TENM3: variants seen among roughly 807,000 people sequenced by gnomAD.
TENM3 encodes teneurin transmembrane protein 3.
In TENM3, 63 loss-of-function variants were observed where a neutral mutation model predicts 255.1. That is an observed-to-expected ratio of 0.25 (90% CI 0.20 to 0.30). The LOEUF (loss-of-function observed/expected upper bound fraction) is 0.30, where lower values mean the gene tolerates loss of function less well. TENM3 is among the 10% of genes least tolerant of loss of function. The probability of loss-of-function intolerance (pLI) is 1.00; values close to 1 mark genes in which losing one functional copy is unlikely to be tolerated. For missense variants in TENM3, 2,929 were observed against 3,461.1 expected, an observed-to-expected ratio of 0.85 and a Z score of 3.86; for synonymous variants, 1,306 against 1,322.3, an observed-to-expected ratio of 0.99 and a Z score of 0.27.
chr4:181,631,020 T>C, the TENM3 span, among the ~76,000 whole-genome samples: 3 of 152,172 alleles, frequency 2.0e-5, no homozygotes, highest in African/African-American at 7.2e-5. Context: ...GGTTCTCTGA[T>C]TGCGGTATCA....
the TENM3 span, among the ~76,000 whole-genome samples, chr4:181,961,595 G>A: frequency 6.6e-6 from 1 of 151,876 alleles, no homozygotes; most frequent in Non-Finnish European, 1.5e-5. Context: ...AATTTTTTGT[G>A]TTTTTAGTAG....
chr4:181,891,385 A>G, the TENM3 span, among the ~76,000 whole-genome samples: 2 of 152,146 alleles, frequency 1.3e-5, no homozygotes, highest in Non-Finnish European at 1.5e-5. Context: ...CCCTGTATAC[A>G]AATCCAGATG....
At chr4:182,635,358 G>A (rs1167552964) in intron 5 of TENM3, among the ~76,000 whole-genome samples, 1 of 152,102 alleles carries the variant, frequency 6.6e-6, no homozygotes, top group Non-Finnish European at 1.5e-5. Context: ...ACAGAATTTT[G>A]CAGCTACCAT....
the TENM3 span, among the ~76,000 whole-genome samples, chr4:181,767,112 C>G: frequency 2.1e-5 from 3 of 143,004 alleles, no homozygotes; most frequent in Non-Finnish European, 3.0e-5. Flanking sequence ...ATTAGCAGGG[C>G]GTGGTGGCGG....
the TENM3 span, among the ~76,000 whole-genome samples, chr4:181,485,489 T>TTTA: frequency 0.013 from 1,915 of 151,562 alleles, 12 homozygotes; most frequent in African/African-American, 0.019. Flanking sequence ...AGATTTTTTT[T>TTTA]AAAAAAAAGA....
Position 182,739,526 on chromosome 4 carries a change from CTT to C in TENM3, c.3379+983_3379+984del, listed in dbSNP as rs573490819. Among the ~76,000 whole-genome samples, 244 of 152,292 alleles carry C rather than the reference CTT, an allele frequency of 1.6e-3. 2 individuals are homozygous for C. Among genetic ancestry groups the C allele is most frequent in the African/African-American group, 5.4e-3 (223 of 41,550 alleles). On this transcript the variant is annotated intron_variant, in intron 18 of 27. Transcript: ENST00000511685. ...ACAGTCTCAGCAAAATAATCTAACT[CTT>C]GACTTTGCAGAGGTTTTTGGAAGGT...
intron 1 of TENM3, among the ~76,000 whole-genome samples, chr4:182,225,159 A>G (rs1756073434): frequency 6.6e-6 from 1 of 152,124 alleles, no homozygotes; most frequent in Admixed American, 6.5e-5. Flanking sequence ...ATTAAATGAA[A>G]CAAACTCTGA....
chr4:182,357,404 G>C (rs1285859038), intron 3 of TENM3, among the ~76,000 whole-genome samples: 3 of 152,122 alleles, frequency 2.0e-5, no homozygotes, highest in African/African-American at 7.2e-5. Flanking sequence ...TTTAATGATT[G>C]CCATTCTAAC....
chr4:181,647,265 C>G, the TENM3 span, among the ~76,000 whole-genome samples: 1 of 152,234 alleles, frequency 6.6e-6, no homozygotes, highest in South Asian at 2.1e-4. Flanking sequence ...TGAACATACA[C>G]GTTGATTTTG....
chr4:181,918,227 A>G, the TENM3 span, among the ~76,000 whole-genome samples: 1 of 152,266 alleles, frequency 6.6e-6, no homozygotes, highest in East Asian at 1.9e-4. Flanking sequence ...GTATTAATAA[A>G]ATTTGCATAT....
chr4:182,773,320 A>G (rs1764415115), intron 22 of TENM3, among the ~76,000 whole-genome samples, 152 bp from the exon 23 acceptor site: 1 of 152,210 alleles, frequency 6.6e-6, no homozygotes, highest in South Asian at 2.1e-4. Flanking sequence ...ATTACTTCAA[A>G]GCATGTTTGA....
chr4:182,554,892 T>G (rs73004901), intron 3 of TENM3, among the ~76,000 whole-genome samples: 1,595 of 151,718 alleles, frequency 0.011, 22 homozygotes, highest in African/African-American at 0.036. Context: ...TTTTTTTTCC[T>G]TTCACATGAT....
At position 182,168,679 on chromosome 4, in the gene TENM3, A is replaced by G. The variant is rs370708492; in HGVS notation, c.-76+23925A>G. On this transcript the variant is annotated intron_variant, in intron 1 of 2. Coordinates refer to the TENM3 transcript ENST00000512480. The stretch of plus-strand genomic sequence containing the variant: ...TCCCCACCATAGTCATTTGCATAAA[A>G]TTATTATACTGTATATAAAAGTTTA... 1.6e-4 allele frequency among the ~76,000 whole-genome samples: 24 copies of G among 152,364 alleles called. No individual in the cohort carries two copies. The East Asian group carries it at 4.4e-3, about 28-fold the overall frequency.
At chr4:181,580,364 C>A in the TENM3 span, among the ~76,000 whole-genome samples, 1 of 152,162 alleles carries the variant, frequency 6.6e-6, no homozygotes, top group African/African-American at 2.4e-5. Context: ...GGCTCCTGGG[C>A]ATATGCAGAT....
the TENM3 span, among the ~76,000 whole-genome samples, chr4:181,964,141 A>T: frequency 6.6e-6 from 1 of 151,882 alleles, no homozygotes; most frequent in Non-Finnish European, 1.5e-5. Flanking sequence ...CTTGAAAAAA[A>T]AATAGACTGA....
the TENM3 span, among the ~76,000 whole-genome samples, chr4:181,683,436 A>T: frequency 6.6e-6 from 1 of 152,042 alleles, no homozygotes; most frequent in Non-Finnish European, 1.5e-5. Flanking sequence ...TTTATATTAG[A>T]CTCACTTGGC....
chr4:182,695,481 A>C (rs956387505), intron 12 of TENM3, among the ~76,000 whole-genome samples: 2 of 152,178 alleles, frequency 1.3e-5, no homozygotes, highest in Non-Finnish European at 2.9e-5. Flanking sequence ...GAATTCCGAT[A>C]AGGAGAATTT....
rs148928384 is a variant in TENM3, at chr4:182,742,286, G to C, written c.3380-884G>C. 5.2e-3 allele frequency among the ~76,000 whole-genome samples: 786 copies of C among 152,282 alleles called. 5 individuals carry two copies. Among genetic ancestry groups the C allele is most frequent in the Middle Eastern group, 0.027 (8 of 294 alleles). Reference sequence around the variant, plus strand: ...AATATTCATTTGGAAGCTTTTCTCAGATTTTCACTGAAGACCATAAAAGAG... The same window carrying C: ...AATATTCATTTGGAAGCTTTTCTCACATTTTCACTGAAGACCATAAAAGAG... On this transcript the variant is annotated intron_variant, in intron 18 of 27. Transcript: ENST00000511685.
At chr4:182,028,118 A>G in the TENM3 span, among the ~76,000 whole-genome samples, 1 of 152,142 alleles carries the variant, frequency 6.6e-6, no homozygotes, top group African/African-American at 2.4e-5. Context: ...CTTTACAGGA[A>G]GACTTTTTAT....
Sources: gnomAD v4.1 joint callset for allele counts (sites outside exome capture counted in the v4.1 genomes callset) on GRCh38, gnomAD v4.1.1 for gene constraint, MANE v1.5 for transcripts, NCBI Gene and HGNC (gene_info 2026-07-23, HGNC 2026-07-21) for gene names.